Variants in NR3C1 observed in about 807,000 individuals in gnomAD.
NR3C1 encodes glucocorticoid receptor.
Under a neutral mutation model 74.0 loss-of-function variants are expected in NR3C1, and 14 were observed. That is an observed-to-expected ratio of 0.19 (90% CI 0.12 to 0.30). The LOEUF (loss-of-function observed/expected upper bound fraction) is 0.30. Among genes scored for constraint, NR3C1 ranks in the 10% least tolerant of loss-of-function variants. NR3C1 has a pLI of 1.00. For synonymous variants in NR3C1, 308 were observed against 332.5 expected (o/e 0.93, Z 0.80); for missense variants, 695 against 909.8 (o/e 0.76, Z 3.04).
intron 4 of NR3C1, among the ~76,000 whole-genome samples, chr5:143,301,198 CTG>C (rs1818422290): frequency 6.6e-6 from 1 of 151,814 alleles, no homozygotes; most frequent in South Asian, 2.1e-4. Flanking sequence ...GGATTACAAA[CTG>C]TGGTTTAAGA....
chr5:143,281,825 A>ATAGT lies in NR3C1; in HGVS notation c.*60_*63dup. The ATAGT allele has an allele frequency of 6.8e-7, 1 of 1,464,960 alleles. No homozygotes were observed. The highest frequency in any genetic ancestry group is 1.1e-5 in the South Asian group (1 of 87,602). The allele number at this position is 1,464,960 out of a possible 1,614,324, so 90.7% of individuals were successfully genotyped here. On this transcript the variant is annotated 3_prime_UTR_variant, in exon 9 of 9. Coordinates refer to ENST00000394464, the MANE Select transcript of NR3C1 (RefSeq NM_000176.3). ...AACAAAACCTCTACAGGACAAACTG[A>ATAGT]TAGTTTATACAATAAAAGCTATTAA...
chr5:143,380,736 A>G (rs1836061610), intron 2 of NR3C1, among the ~76,000 whole-genome samples: 1 of 152,184 alleles, frequency 6.6e-6, no homozygotes, highest in South Asian at 2.1e-4. Context: ...CTTCAAGCTT[A>G]TGGCCGAAAT....
At chr5:143,401,503 G>C (rs1412659929) in intron 1 of NR3C1, 3 of 154,072 alleles carry the variant, frequency 1.9e-5, no homozygotes, top group African/African-American at 7.2e-5. Context: ...CTTCTGACTG[G>C]ATGTGCCTAC....
chr5:143,379,863 C>T (rs998377059), intron 2 of NR3C1, among the ~76,000 whole-genome samples: 1 of 152,160 alleles, frequency 6.6e-6, no homozygotes, highest in African/African-American at 2.4e-5. Flanking sequence ...AGCAGAACTG[C>T]CCACCTCATT....
intron 2 of NR3C1, among the ~76,000 whole-genome samples, chr5:143,354,239 G>C (rs1309987585): frequency 6.6e-6 from 1 of 152,224 alleles, no homozygotes; most frequent in Non-Finnish European, 1.5e-5. Flanking sequence ...CAGCAAGAAG[G>C]CTGTTTCACT....
chr5:143,352,127 AAC>A (rs1018732930), intron 2 of NR3C1, among the ~76,000 whole-genome samples: 4 of 152,070 alleles, frequency 2.6e-5, no homozygotes, highest in Non-Finnish European at 5.9e-5. Flanking sequence ...CACATGCACA[AAC>A]ACACACATGC....
chr5:143,295,709 ATAT>A, intron 6 of NR3C1, 119 bp from the exon 7 acceptor site: 2 of 789,156 alleles, frequency 2.5e-6, no homozygotes, highest in Non-Finnish European at 4.4e-6. Context: ...TACTGCAATA[ATAT>A]TATTGCTAAT....
At chr5:143,363,450 C>T (rs1456950336) in intron 2 of NR3C1, among the ~76,000 whole-genome samples, 2 of 152,066 alleles carry the variant, frequency 1.3e-5, no homozygotes, top group Non-Finnish European at 1.5e-5. Flanking sequence ...TGAGGAAGCC[C>T]AGATACTAGA....
intron 2 of NR3C1, among the ~76,000 whole-genome samples, chr5:143,372,435 G>C (rs190878357): frequency 6.6e-4 from 101 of 152,320 alleles, no homozygotes; most frequent in Non-Finnish European, 1.1e-3. Flanking sequence ...TGGAGATGCT[G>C]AACAAAGGAA....
chr5:143,410,177 C>T (rs1362435381), intron 1 of NR3C1, among the ~76,000 whole-genome samples: 4 of 152,124 alleles, frequency 2.6e-5, no homozygotes, highest in Non-Finnish European at 4.4e-5. Flanking sequence ...TAGCTTTCTT[C>T]CTTTCTTGAT....
intron 1 of NR3C1, among the ~76,000 whole-genome samples, chr5:143,414,310 G>T (rs1841409788): frequency 1.3e-5 from 2 of 152,148 alleles, no homozygotes; most frequent in South Asian, 4.1e-4. Flanking sequence ...GCTGCAGTGA[G>T]CCTCTGTCTG....
chr5:143,405,429 G>T, upstream of NR3C1: 1 of 888,598 alleles, frequency 1.1e-6, no homozygotes, highest in South Asian at 5.2e-5. Flanking sequence ...CCGCCATCTT[G>T]GTAGGGTACA....
chr5:143,316,978 T>A (rs1361741266), intron 2 of NR3C1, among the ~76,000 whole-genome samples: 3 of 152,140 alleles, frequency 2.0e-5, no homozygotes, highest in Non-Finnish European at 2.9e-5. Context: ...GATAGTACAG[T>A]AGCTGAAAAT....
At chr5:143,405,390 T>C (rs532548705), upstream of NR3C1, 26 of 980,612 alleles carry the variant, frequency 2.7e-5, no homozygotes, top group Admixed American at 6.1e-5. Context: ...TTGAAGACGA[T>C]TGGGGAAGCG....
chr5:143,312,361 C>T (rs1436490827), intron 3 of NR3C1, among the ~76,000 whole-genome samples: 2 of 152,104 alleles, frequency 1.3e-5, no homozygotes, highest in Admixed American at 6.5e-5. Context: ...TGATCACATA[C>T]TCTCTTGGAT....
Position 143,393,919 on chromosome 5 carries a change from G to A in NR3C1, c.1184+5737C>T, listed in dbSNP as rs535182703. Among the ~76,000 whole-genome samples, 5 of 152,138 alleles carry A rather than the reference G, an allele frequency of 3.3e-5. No homozygotes were observed. In the South Asian group the frequency reaches 1.0e-3, roughly 32 times the overall value. ...GTTAACACTTTTTGCAACAAACTAT[G>A]TCTTAAACACTGCATACTTATTGAA... On this transcript the variant is annotated intron_variant, in intron 2 of 8. Coordinates refer to ENST00000394464, the MANE Select transcript of NR3C1 (RefSeq NM_000176.3).
upstream of NR3C1, chr5:143,405,151 T>C: frequency 1.0e-6 from 1 of 985,578 alleles, no homozygotes; most frequent in Non-Finnish European, 1.2e-6. Context: ...GCCTCCTACC[T>C]TGTGCGGCAC....
chr5:143,282,490 G>A, intron 8 of NR3C1, 78 bp downstream of exon 8: 3 of 1,549,922 alleles, frequency 1.9e-6, no homozygotes, highest in Non-Finnish European at 2.7e-6. Flanking sequence ...GGCGCTGCTG[G>A]TATATAATTA....
Position 143,382,768 on chromosome 5 carries a change from C to T in NR3C1, c.1184+16888G>A, listed in dbSNP as rs564843584. Among the ~76,000 whole-genome samples, 7 of 152,314 alleles carry T rather than the reference C, an allele frequency of 4.6e-5. No homozygotes were observed. In the East Asian group the frequency reaches 5.8e-4, roughly 13 times the overall value. Reference sequence around the variant, plus strand: ...GAATTCTATGATTCTTTGACAATGACGGGAGCATACTTCTTCGTGGTTTGT... The same window carrying T: ...GAATTCTATGATTCTTTGACAATGATGGGAGCATACTTCTTCGTGGTTTGT... On this transcript the variant is annotated intron_variant, in intron 2 of 8. Transcript: ENST00000394464.
Sources: gnomAD v4.1 joint callset for allele counts (sites outside exome capture counted in the v4.1 genomes callset) on GRCh38, gnomAD v4.1.1 for gene constraint, MANE v1.5 for transcripts, NCBI Gene and HGNC (gene_info 2026-07-23, HGNC 2026-07-21) for gene names.